The following NOTCH2 variants were observed in gnomAD, a reference collection of about 807,000 sequenced individuals.
NOTCH2 encodes the protein notch receptor 2, also known as neurogenic locus notch homolog protein 2.
A neutral mutation model predicts 235.8 loss-of-function variants in NOTCH2; 29 were observed. That is an observed-to-expected ratio of 0.12 (90% confidence interval 0.09 to 0.17). The LOEUF is 0.17. Ranked by LOEUF, NOTCH2 falls within the 10% of genes least tolerant of loss-of-function variation. The pLI, the probability that NOTCH2 is intolerant of heterozygous loss-of-function variation, is 1.00. For missense variants in NOTCH2, 2,285 were observed against 3,150.2 expected (o/e 0.73, Z 6.57); for synonymous variants, 1,086 against 1,141.5 (o/e 0.95, Z 0.98).
At chr1:119,923,585 A>C (rs1649360586) in intron 26 of NOTCH2, 52 bp downstream of exon 26, 2 of 1,480,936 alleles carry the variant, frequency 1.4e-6, no homozygotes, top group Non-Finnish European at 1.9e-6. Context: ...CTATATGTCA[A>C]AGTGCTAGGC....
intron 9 of NOTCH2, 22 bp downstream of exon 9, chr1:119,966,354 G>A (rs1452478079): frequency 1.3e-6 from 2 of 1,533,924 alleles, no homozygotes; most frequent in Non-Finnish European, 1.8e-6. Flanking sequence ...AGAGAAAACA[G>A]GGCCAGGTCG....
At chr1:119,972,311 T>C (rs1180385771) in intron 5 of NOTCH2, among the ~76,000 whole-genome samples, 1 of 152,138 alleles carries the variant, frequency 6.6e-6, no homozygotes, top group Non-Finnish European at 1.5e-5. Context: ...AGCTGTGTTA[T>C]TAGGATGCAG....
In NOTCH2 at chr1:120,069,658, A is replaced by C. The variant is rs1291042021; in HGVS notation, c.-252T>G. 3.7e-6 allele frequency: 5 copies of C among 1,341,670 alleles called. No homozygotes were observed. The highest frequency in any genetic ancestry group is 7.0e-5 in the Admixed American group (2 of 28,644). 83.1% of individuals were successfully genotyped at this position (1,341,670 alleles called of 1,614,324 possible). A position where few individuals can be genotyped will look rare whatever the true frequency, so the allele number is the denominator to read the frequency against. ...AACTTTCTCGGGTGTGCAACGAAGC[A>C]GCCTCGTGTGTCCTTCCGCCTCAGC... On this transcript the variant is annotated 5_prime_UTR_variant, in exon 1 of 34. Coordinates refer to ENST00000256646, the MANE Select transcript of NOTCH2 (RefSeq NM_024408.4).
intron 19 of NOTCH2, among the ~76,000 whole-genome samples, chr1:119,938,483 A>C (rs1649943612): frequency 6.6e-6 from 1 of 152,190 alleles, no homozygotes; most frequent in South Asian, 2.1e-4. Context: ...TAGCAGTCCT[A>C]GTGGTGGCAG....
At chr1:119,964,673 T>A (rs1393223457) in intron 10 of NOTCH2, among the ~76,000 whole-genome samples, 1 of 152,262 alleles carries the variant, frequency 6.6e-6, no homozygotes, top group African/African-American at 2.4e-5. Flanking sequence ...GCATGATGCC[T>A]TTAATCTTTA....
intron 1 of NOTCH2, among the ~76,000 whole-genome samples, chr1:120,055,787 G>A (rs1274067275): frequency 6.6e-6 from 1 of 151,874 alleles, no homozygotes; most frequent in Non-Finnish European, 1.5e-5. Context: ...GGAAACAAAT[G>A]TTAAAATATA....
intron 1 of NOTCH2, among the ~76,000 whole-genome samples, chr1:120,040,829 A>C (rs57895590): frequency 0.026 from 3,876 of 149,762 alleles, 43 homozygotes; most frequent in African/African-American, 0.091. Context: ...CGAGGTCAGG[A>C]GATCGAGACC....
intron 1 of NOTCH2, chr1:120,054,281 TA>T (rs1655065160): frequency 1.3e-5 from 2 of 151,530 alleles, no homozygotes; most frequent in African/African-American, 4.8e-5. Context: ...TAAGATTAGG[TA>T]TTGGTGTCAA....
chr1:119,967,749 A>ATT (rs369169784), intron 7 of NOTCH2, 128 bp from the exon 8 acceptor site: 2 of 828,750 alleles, frequency 2.4e-6, no homozygotes, highest in South Asian at 1.5e-5. Flanking sequence ...CCAATTTTCT[A>ATT]TTTTTTTTTC....
chr1:119,950,238 A>G (rs1650419244), intron 15 of NOTCH2: 1 of 353,092 alleles, frequency 2.8e-6, no homozygotes, highest in Admixed American at 3.8e-5. Flanking sequence ...TATGACCTTG[A>G]GCAAGCAAGC....
At chr1:119,923,601 A>C in intron 26 of NOTCH2, 36 bp downstream of exon 26, 1 of 1,562,900 alleles carries the variant, frequency 6.4e-7, no homozygotes, top group Middle Eastern at 2.0e-4. Flanking sequence ...TAGGCTTCAT[A>C]AAATTAGCCT....
chr1:119,937,764 C>T lies in NOTCH2; in HGVS notation c.3337+93G>A, dbSNP rs369968268. 1.0e-5 allele frequency: 15 copies of T among 1,462,950 alleles called. No individual in the cohort carries two copies. The African/African-American group carries it at 1.3e-4, about 12-fold the overall frequency. The allele number at this position is 1,462,950 out of a possible 1,614,324, so 90.6% of individuals were successfully genotyped here. On this transcript the variant is annotated intron_variant, in intron 20 of 33. Coordinates refer to ENST00000256646, the MANE Select transcript of NOTCH2 (RefSeq NM_024408.4). ...CCCACCCACTACTATCTGCCCTTCC[C>T]TCTTATTCCACAAAAAAATGATACC...
In NOTCH2 at chr1:119,968,358, C is replaced by T. The variant is rs587730601; in HGVS notation, c.1109-126G>A. ...TCAGAATCCAACATGGAGATTTATA[C>T]GCAACTTCTGCTTTGCCTGACCCTA... On this transcript the variant is annotated intron_variant, in intron 6 of 33. Coordinates refer to ENST00000256646, the MANE Select transcript of NOTCH2 (RefSeq NM_024408.4). The T allele has an allele frequency of 7.8e-5, 84 of 1,070,116 alleles. 2 individuals carry two copies. In the South Asian group the frequency reaches 9.6e-4, roughly 12 times the overall value. 66.3% of individuals were successfully genotyped at this position (1,070,116 alleles called of 1,614,324 possible). A position where few individuals can be genotyped will look rare whatever the true frequency, so the allele number is the denominator to read the frequency against.
chr1:119,955,385 A>G (rs941106104), intron 12 of NOTCH2, among the ~76,000 whole-genome samples, 153 bp from the exon 13 acceptor site: 1 of 152,238 alleles, frequency 6.6e-6, no homozygotes, highest in Non-Finnish European at 1.5e-5. Flanking sequence ...TAGACACCCA[A>G]TAACACTTAA....
chr1:120,033,688 CAAG>C (rs1331111451), intron 1 of NOTCH2, among the ~76,000 whole-genome samples: 2 of 148,934 alleles, frequency 1.3e-5, no homozygotes, highest in African/African-American at 4.9e-5. Flanking sequence ...TACAGTTACA[CAAG>C]AAGAATTTTT....
chr1:119,949,099 G>C lies in NOTCH2; in HGVS notation c.2507C>G (p.Pro836Arg), dbSNP rs587661379. ...TGKNCQTVLA[P>R]CSPNPCENAA... ...ATTCTCACAAGGGTTTGGGGAACAG[G>C]GAGCCAATACTGTCTGACAATTCTT... The change falls in exon 16 of 34, where the codon CCC becomes CGC. Residue 836 changes from proline (P) to arginine (R), a missense_variant. Physicochemically the swap from Pro to Arg is moderately radical, Grantham distance 103 (BLOSUM62 -2). Coordinates refer to ENST00000256646, the MANE Select transcript of NOTCH2 (RefSeq NM_024408.4). 3 of 1,614,162 alleles carry C rather than the reference G, an allele frequency of 1.9e-6. No individual in the cohort carries two copies. Among genetic ancestry groups the C allele is most frequent in the African/African-American group, 2.7e-5 (2 of 75,038 alleles).
At chr1:119,930,412 G>A (rs1449322073) in intron 22 of NOTCH2, among the ~76,000 whole-genome samples, 2 of 150,074 alleles carry the variant, frequency 1.3e-5, no homozygotes, top group Non-Finnish European at 1.5e-5. Flanking sequence ...ATGAATATCT[G>A]CATATAGTGT....
chr1:119,931,142 G>A (rs1257483690), intron 22 of NOTCH2, among the ~76,000 whole-genome samples: 1 of 149,630 alleles, frequency 6.7e-6, no homozygotes, highest in Non-Finnish European at 1.5e-5. Context: ...AAACAGTTCT[G>A]TATGTATTCC....
intron 5 of NOTCH2, among the ~76,000 whole-genome samples, chr1:119,981,504 T>C (rs910750366): frequency 6.6e-6 from 1 of 152,138 alleles, no homozygotes; most frequent in African/African-American, 2.4e-5. Context: ...AACCGTTCCA[T>C]GGGGGCTTAG....
Sources: gnomAD v4.1 joint callset for allele counts (sites outside exome capture counted in the v4.1 genomes callset) on GRCh38, gnomAD v4.1.1 for gene constraint, MANE v1.5 for transcripts, NCBI Gene and HGNC (gene_info 2026-07-23, HGNC 2026-07-21) for gene names.